The following IQSEC1 variants were observed in gnomAD, a reference collection of about 807,000 sequenced individuals.
The protein encoded by IQSEC1 is IQ motif and SEC7 domain-containing protein 1.
In IQSEC1, 31 loss-of-function variants were observed where a neutral mutation model predicts 91.0. The ratio of observed to expected loss-of-function variants is 0.34; its 90% CI spans 0.26 to 0.46. The LOEUF is 0.46. IQSEC1 is among the 20% of genes least tolerant of loss of function. The probability of loss-of-function intolerance (pLI) is 1.00; values close to 1 mark genes in which losing one functional copy is unlikely to be tolerated. For synonymous variants in IQSEC1, 699 were observed against 662.6 expected, an observed-to-expected ratio of 1.05 and a Z score of -0.84; for missense variants, 1,388 against 1,575.6, an observed-to-expected ratio of 0.88 and a Z score of 2.02.
intron 1 of IQSEC1, among the ~76,000 whole-genome samples, chr3:13,040,272 G>A (rs1396924012): frequency 6.6e-6 from 1 of 152,242 alleles, no homozygotes; most frequent in Non-Finnish European, 1.5e-5. Context: ...CCTGCAGGAA[G>A]CCTTCCAATA....
chr3:13,229,728 C>G (rs1458407958), intron 1 of IQSEC1, among the ~76,000 whole-genome samples: 1 of 152,230 alleles, frequency 6.6e-6, no homozygotes, highest in African/African-American at 2.4e-5. Context: ...ACTGTTCCCC[C>G]TGCTGGGATG....
chr3:13,024,119 GTCC>G (rs1703513367), intron 1 of IQSEC1, among the ~76,000 whole-genome samples: 1 of 152,174 alleles, frequency 6.6e-6, no homozygotes, highest in African/African-American at 2.4e-5. Context: ...TATCTGGCCT[GTCC>G]TCCTAGTAGG....
At chr3:13,098,468 C>T (rs184863) in intron 2 of IQSEC1, among the ~76,000 whole-genome samples, 5,321 of 151,910 alleles carry the variant, frequency 0.035, 141 homozygotes, top group Non-Finnish European at 0.053. Context: ...GAACGGTCTA[C>T]AAAGAAAAGA....
At chr3:13,009,086 G>A (rs1702759459) in intron 1 of IQSEC1, among the ~76,000 whole-genome samples, 1 of 152,206 alleles carries the variant, frequency 6.6e-6, no homozygotes, top group African/African-American at 2.4e-5. Context: ...ACCACACAGG[G>A]AAGGAATCCT....
intron 2 of IQSEC1, among the ~76,000 whole-genome samples, chr3:13,147,789 C>T (rs1431093568): frequency 6.6e-6 from 1 of 152,218 alleles, no homozygotes; most frequent in Non-Finnish European, 1.5e-5. Context: ...CATGCCACCA[C>T]ATCTGGCTAA....
intron 1 of IQSEC1, among the ~76,000 whole-genome samples, chr3:13,034,022 C>T (rs1703941726): frequency 6.6e-6 from 1 of 152,148 alleles, no homozygotes; most frequent in South Asian, 2.1e-4. Context: ...GCATTAGGGC[C>T]CACCCTAATC....
At chr3:13,155,270 C>T (rs575980216) in intron 2 of IQSEC1, among the ~76,000 whole-genome samples, 1 of 152,082 alleles carries the variant, frequency 6.6e-6, no homozygotes, top group Non-Finnish European at 1.5e-5. Context: ...AATAAAAAGA[C>T]TCAACTAAAA....
At chr3:12,905,116 G>A (rs918742719) in intron 12 of IQSEC1, among the ~76,000 whole-genome samples, 1 of 152,212 alleles carries the variant, frequency 6.6e-6, no homozygotes, top group Non-Finnish European at 1.5e-5. Context: ...CCATGCGTAC[G>A]CAGCCTCCCA....
At chr3:13,198,196 G>A (rs1338532252) in intron 1 of IQSEC1, among the ~76,000 whole-genome samples, 2 of 152,206 alleles carry the variant, frequency 1.3e-5, no homozygotes, top group Admixed American at 6.5e-5. Flanking sequence ...TAGTCCTACG[G>A]TCAACAAGCT....
chr3:13,000,412 A>G (rs1350846110), intron 1 of IQSEC1, among the ~76,000 whole-genome samples: 2 of 152,160 alleles, frequency 1.3e-5, no homozygotes, highest in Non-Finnish European at 2.9e-5. Flanking sequence ...TGGCTCCCAC[A>G]GTGTCCTGTA....
In IQSEC1 at chr3:12,940,921, G is replaced by A. The variant is rs2125348412; in HGVS notation, c.318+650C>T. 6.6e-6 allele frequency among the ~76,000 whole-genome samples: 1 copy of A among 152,280 alleles called. No individual in the cohort carries two copies. Among genetic ancestry groups the A allele is most frequent in the South Asian group, 2.1e-4 (1 of 4,820 alleles). The stretch of plus-strand genomic sequence containing the variant: ...TTCTCCTCTCCTGGCTCAACCCTGA[G>A]AGGCTACCTCTTGTCCTCCCTCAAG... On this transcript the variant is annotated intron_variant, in intron 2 of 13. Coordinates refer to ENST00000613206, the MANE Select transcript of IQSEC1 (RefSeq NM_001134382.3). This position sits in a 1 kb window ranked among gnomAD's most constrained non-coding sequence, Gnocchi z 4.4.
At position 13,033,227 on chromosome 3, in the gene IQSEC1, G is replaced by A. The variant is rs539676632; in HGVS notation, c.23+39765C>T. Among the ~76,000 whole-genome samples the A allele has an allele frequency of 2.0e-3, 300 of 152,276 alleles. 2 individuals are homozygous for A. Among genetic ancestry groups the A allele is most frequent in the African/African-American group, 6.9e-3 (288 of 41,550 alleles). ...GGCACAGAATACACGCCCAGACAGC[G>A]TCTCCTGACGAGCCCGAGGACAGGT... is the stretch of plus-strand genomic sequence containing the variant. On this transcript the variant is annotated intron_variant, in intron 1 of 13. Transcript: ENST00000613206.
chr3:13,083,478 A>G (rs1705682636), intron 2 of IQSEC1, among the ~76,000 whole-genome samples: 2 of 152,074 alleles, frequency 1.3e-5, no homozygotes, highest in East Asian at 1.9e-4. Context: ...TCCTCTTCCT[A>G]CTCTGAACAA....
intron 1 of IQSEC1, among the ~76,000 whole-genome samples, chr3:13,183,880 A>G (rs569671485): frequency 6.6e-6 from 1 of 152,284 alleles, no homozygotes; most frequent in East Asian, 1.9e-4. Context: ...AGCAAGGACA[A>G]CTCTAGGTCC....
At chr3:13,022,140 C>G (rs918799531) in intron 1 of IQSEC1, 5 of 1,231,752 alleles carry the variant, frequency 4.1e-6, no homozygotes, top group Non-Finnish European at 4.0e-6. Context: ...AGGGGCCCAC[C>G]ACCACTGCCC....
Position 12,899,438 on chromosome 3 carries a change from C to CAAAGT in IQSEC1, c.*1540_*1544dup, listed in dbSNP as rs746998196. ...GCAGTGGCTCGAAAGGCTGAAACTA[C>CAAAGT]AAAGTATGGCCCGTGGGTGACTCGG... is the stretch of plus-strand genomic sequence containing the variant. On this transcript the variant is annotated 3_prime_UTR_variant, in exon 14 of 14. Coordinates refer to ENST00000613206, the MANE Select transcript of IQSEC1 (RefSeq NM_001134382.3). The CAAAGT allele has an allele frequency of 3.1e-6, 5 of 1,609,786 alleles. No individual in the cohort carries two copies. The highest frequency in any genetic ancestry group is 1.3e-5 in the African/African-American group (1 of 74,994).
At chr3:13,022,106 G>C (rs1703428713) in intron 1 of IQSEC1, 2 of 1,231,712 alleles carry the variant, frequency 1.6e-6, no homozygotes, top group South Asian at 4.1e-5. Context: ...TTCATGCCTG[G>C]CTCGGTGGAG....
chr3:13,237,360 C>G (rs907345340), intron 1 of IQSEC1, among the ~76,000 whole-genome samples: 1 of 152,210 alleles, frequency 6.6e-6, no homozygotes, highest in Admixed American at 6.5e-5. Flanking sequence ...CCCGTTTGCA[C>G]AAAACCAAGC....
intron 1 of IQSEC1, among the ~76,000 whole-genome samples, chr3:13,061,864 C>T (rs1390330755): frequency 2.0e-5 from 3 of 152,250 alleles, no homozygotes; most frequent in African/African-American, 4.8e-5. Flanking sequence ...GGGCTGACCT[C>T]ATGCTCCAGC....
Sources: allele counts gnomAD v4.1 joint callset (sites outside exome capture counted in the v4.1 genomes callset), GRCh38; gene constraint gnomAD v4.1.1; non-coding constraint Gnocchi (gnomAD v3.1); transcripts MANE v1.5; gene names NCBI Gene and HGNC (gene_info 2026-07-23, HGNC 2026-07-21).